GSE1: variants seen among roughly 807,000 people sequenced by gnomAD.
GSE1 encodes the protein Gse1 coiled-coil protein, also known as genetic suppressor element 1.
Under a neutral mutation model 112.6 loss-of-function variants are expected in GSE1, and 32 were observed. The observed-to-expected ratio is 0.28, with a 90% CI of 0.21 to 0.38. The LOEUF (loss-of-function observed/expected upper bound fraction) is 0.38. GSE1 is among the 10% of genes least tolerant of loss of function. The pLI, the probability that GSE1 is intolerant of heterozygous loss-of-function variation, is 1.00. For synonymous variants in GSE1, 1,115 were observed against 735.6 expected, an observed-to-expected ratio of 1.52 and a Z score of -8.35; for missense variants, 2,348 against 1,699.2, an observed-to-expected ratio of 1.38 and a Z score of -6.71.
intron 1 of GSE1, among the ~76,000 whole-genome samples, chr16:85,246,120 AC>A (rs1262149439): frequency 4.1e-5 from 6 of 146,884 alleles, no homozygotes; most frequent in African/African-American, 1.3e-4. Flanking sequence ...ACACACTAGC[AC>A]CCGTGTTTTC....
intron 15 of GSE1, 48 bp from the exon 16 acceptor site, chr16:85,672,357 C>G (rs780909737): frequency 4.0e-6 from 6 of 1,488,190 alleles, no homozygotes; most frequent in African/African-American, 1.4e-5. Flanking sequence ...CATGCTTGTC[C>G]TTACAGAGGA....
At chr16:85,488,356 G>C (rs998262001) in intron 2 of GSE1, among the ~76,000 whole-genome samples, 8 of 152,218 alleles carry the variant, frequency 5.3e-5, no homozygotes. Context: ...AGTACAAACA[G>C]AGGATGGGAC....
chr16:85,280,925 G>C (rs796518696), intron 1 of GSE1, among the ~76,000 whole-genome samples: 37 of 152,294 alleles, frequency 2.4e-4, no homozygotes, highest in African/African-American at 8.4e-4. Flanking sequence ...GGGCTGAATT[G>C]GAACCAGGTC....
chr16:85,415,860 G>A (rs2048692525), intron 2 of GSE1, among the ~76,000 whole-genome samples: 1 of 152,236 alleles, frequency 6.6e-6, no homozygotes, highest in Admixed American at 6.5e-5. Flanking sequence ...CAAGGAGACA[G>A]TTAACATAAA....
At chr16:85,670,258 T>C (rs1016087931) in intron 14 of GSE1, among the ~76,000 whole-genome samples, 2 of 152,206 alleles carry the variant, frequency 1.3e-5, no homozygotes, top group African/African-American at 4.8e-5. Context: ...TTTGAATTTG[T>C]CTGATTGTCT....
chr16:85,575,768 A>T (rs975663764), intron 1 of GSE1, among the ~76,000 whole-genome samples: 5 of 152,134 alleles, frequency 3.3e-5, no homozygotes, highest in Admixed American at 2.6e-4. Flanking sequence ...TAATTAGGTG[A>T]TTATCACTAT....
intron 2 of GSE1, among the ~76,000 whole-genome samples, chr16:85,459,895 G>A (rs2049926430): frequency 6.6e-6 from 1 of 152,220 alleles, no homozygotes; most frequent in Non-Finnish European, 1.5e-5. Flanking sequence ...GATTCCCCCA[G>A]CTCACGCAGT....
intron 2 of GSE1, among the ~76,000 whole-genome samples, chr16:85,376,798 G>T (rs1400568434): frequency 6.6e-6 from 1 of 152,222 alleles, no homozygotes; most frequent in African/African-American, 2.4e-5. Context: ...GGAGATGGAG[G>T]TGGGGGCTGT....
At chr16:85,367,618 A>G (rs112555511) in intron 2 of GSE1, among the ~76,000 whole-genome samples, 11 of 152,264 alleles carry the variant, frequency 7.2e-5, no homozygotes, top group African/African-American at 2.6e-4. Context: ...TTCCAGACCA[A>G]GCGAAGAGCA....
intron 2 of GSE1, among the ~76,000 whole-genome samples, chr16:85,520,515 G>A (rs865787780): frequency 4.7e-5 from 7 of 149,168 alleles, no homozygotes; most frequent in Middle Eastern, 3.5e-3. Flanking sequence ...TCAGCCTCCC[G>A]GGCCCAAGTG....
chr16:85,227,253 T>G (rs1411138785), intron 1 of GSE1, among the ~76,000 whole-genome samples: 1 of 152,196 alleles, frequency 6.6e-6, no homozygotes. Context: ...TGGGAAGGCC[T>G]GTTCTTCATG....
intron 1 of GSE1, among the ~76,000 whole-genome samples, chr16:85,222,183 C>T (rs1252902680): frequency 1.3e-5 from 2 of 152,212 alleles, no homozygotes; most frequent in African/African-American, 2.4e-5. Context: ...GGAGCAGCCT[C>T]CTGCACTTCA....
intron 2 of GSE1, among the ~76,000 whole-genome samples, chr16:85,525,409 G>T (rs1428574582): frequency 1.3e-5 from 2 of 152,228 alleles, no homozygotes; most frequent in South Asian, 4.1e-4. Context: ...CATCTCCCCA[G>T]CGTTGGGGAA....
chr16:85,243,478 C>A (rs544305015), intron 1 of GSE1, among the ~76,000 whole-genome samples: 2 of 152,320 alleles, frequency 1.3e-5, no homozygotes, highest in East Asian at 3.9e-4. Context: ...AAGGCGGTGG[C>A]GTGTGGCTGC....
chr16:85,180,372 G>A (rs1323889579), intron 1 of GSE1, among the ~76,000 whole-genome samples: 20 of 152,206 alleles, frequency 1.3e-4, no homozygotes, highest in Admixed American at 1.1e-3. Context: ...GTCACCCACC[G>A]AGGCCACGCT....
Position 85,665,024 on chromosome 16 carries a change from G to T in GSE1, c.2654G>T (p.Arg885Ile), listed in dbSNP as rs746107696. 6.9e-6 allele frequency: 11 copies of T among 1,602,598 alleles called. No homozygotes were observed. In the African/African-American group the frequency reaches 1.3e-4, roughly 20 times the overall value. ...GCTGCTTTTCTCATAGACAAAGAGA[G>T]ACTTGTTGAAATGCTCCGTGCCATG... Reference protein sequence around the residue: ...ISAEKRKDKERLVEMLRAMKQ... With the variant: ...ISAEKRKDKEILVEMLRAMKQ... Residue 885 changes from arginine (R) to isoleucine (I), a missense_variant, in exon 12 of 16, where the codon AGA becomes ATA. Transcript: ENST00000253458.
At position 85,672,565 on chromosome 16, in the gene GSE1, C is replaced by G. The variant is rs1343325158; in HGVS notation, c.*26C>G. Reference sequence around the variant, plus strand: ...CGGTTTCCCTTGCACTAGGCCGAACCTATAGTATAGAAATATTATCTATTT... The same window carrying G: ...CGGTTTCCCTTGCACTAGGCCGAACGTATAGTATAGAAATATTATCTATTT... On this transcript the variant is annotated 3_prime_UTR_variant, in exon 16 of 16. Transcript: ENST00000253458. 1.9e-5 allele frequency: 29 copies of G among 1,517,404 alleles called. No individual in the cohort carries two copies. The Admixed American group carries it at 5.0e-4, about 26-fold the overall frequency. The allele number at this position is 1,517,404 out of a possible 1,614,324, so 94.0% of individuals were successfully genotyped here. A position where few individuals can be genotyped will look rare whatever the true frequency, so the allele number is the denominator to read the frequency against.
At chr16:85,336,165 G>A (rs917783847) in intron 1 of GSE1, among the ~76,000 whole-genome samples, 1 of 152,206 alleles carries the variant, frequency 6.6e-6, no homozygotes, top group Non-Finnish European at 1.5e-5. Context: ...GTCACCAGGG[G>A]CTGACTGGGC....
chr16:85,657,200 T>C (rs757456491), intron 7 of GSE1, 77 bp from the exon 8 acceptor site: 14 of 1,016,502 alleles, frequency 1.4e-5, no homozygotes, highest in Admixed American at 5.2e-5. Flanking sequence ...CTCTGGGCAG[T>C]TGGGTGAGAG....
Sources: allele counts gnomAD v4.1 joint callset (sites outside exome capture counted in the v4.1 genomes callset), GRCh38; gene constraint gnomAD v4.1.1; transcripts MANE v1.5; gene names NCBI Gene and HGNC (gene_info 2026-07-23, HGNC 2026-07-21).